The following RCAN1 variants were observed in gnomAD, a reference collection of about 807,000 sequenced individuals.
RCAN1 encodes the protein calcipressin-1.
RCAN1 carries 11 observed loss-of-function variants against 22.9 expected under a neutral mutation model. That is an observed-to-expected ratio of 0.48 (90% CI 0.30 to 0.79). RCAN1 has a LOEUF of 0.79. RCAN1 is among the 30% of genes least tolerant of loss of function. The pLI is 0.06. For synonymous variants in RCAN1, 136 were observed against 142.3 expected, an observed-to-expected ratio of 0.96 and a Z score of 0.32; for missense variants, 291 against 337.8, an observed-to-expected ratio of 0.86 and a Z score of 1.09.
At chr21:34,572,328 C>A (rs1217060799) in intron 1 of RCAN1, among the ~76,000 whole-genome samples, 1 of 152,168 alleles carries the variant, frequency 6.6e-6, no homozygotes, top group Non-Finnish European at 1.5e-5. Context: ...TCACAGAATA[C>A]TGGAGGCGCC....
chr21:34,521,343 C>T (rs1252639505), intron 3 of RCAN1, 156 bp downstream of exon 3: 10 of 1,511,192 alleles, frequency 6.6e-6, no homozygotes, highest in Non-Finnish European at 8.8e-6. Context: ...ATGCTCCCAG[C>T]ACAAGGGACG....
At chr21:34,581,929 T>G (rs2123698267) in intron 1 of RCAN1, among the ~76,000 whole-genome samples, 1 of 152,314 alleles carries the variant, frequency 6.6e-6, no homozygotes, top group African/African-American at 2.4e-5. Flanking sequence ...CTAAATTTGC[T>G]ATCAAAATGC....
chr21:34,564,323 G>T (rs966120409), intron 1 of RCAN1, among the ~76,000 whole-genome samples: 5 of 152,136 alleles, frequency 3.3e-5, no homozygotes, highest in Non-Finnish European at 7.4e-5. Context: ...GGGGATCACA[G>T]GGCAGGAAAT....
intron 1 of RCAN1, among the ~76,000 whole-genome samples, chr21:34,568,336 C>A (rs1051066490): frequency 1.3e-5 from 2 of 152,200 alleles, no homozygotes; most frequent in Non-Finnish European, 2.9e-5. Flanking sequence ...ACAAATCCAA[C>A]ACAGGACCTT....
intron 1 of RCAN1, among the ~76,000 whole-genome samples, chr21:34,546,990 C>A (rs1190343722): frequency 6.6e-6 from 1 of 152,136 alleles, no homozygotes; most frequent in African/African-American, 2.4e-5. Flanking sequence ...GTGAATAAAT[C>A]TCTCCCCAAA....
At chr21:34,519,335 T>C (rs1365835102) in intron 3 of RCAN1, among the ~76,000 whole-genome samples, 1 of 152,218 alleles carries the variant, frequency 6.6e-6, no homozygotes, top group Non-Finnish European at 1.5e-5. Context: ...TGGTCAGTTT[T>C]CTTCCAGGGC....
At chr21:34,609,729 T>C (rs1271308264) in intron 1 of RCAN1, among the ~76,000 whole-genome samples, 1 of 152,148 alleles carries the variant, frequency 6.6e-6, no homozygotes, top group East Asian at 1.9e-4. Context: ...CTTTAAGTAA[T>C]GAAGGTGACA....
At chr21:34,548,859 G>A (rs1601162621) in intron 1 of RCAN1, among the ~76,000 whole-genome samples, 1 of 152,300 alleles carries the variant, frequency 6.6e-6, no homozygotes, top group Non-Finnish European at 1.5e-5. Context: ...TGTAAACAAA[G>A]CAAAGGACTA....
intron 3 of RCAN1, chr21:34,520,957 G>C: frequency 2.0e-6 from 1 of 498,428 alleles, no homozygotes; most frequent in South Asian, 8.5e-5. Context: ...TCTTTAGCAA[G>C]CTCTGTAGGG....
intron 1 of RCAN1, among the ~76,000 whole-genome samples, chr21:34,565,568 A>G (rs1436052087): frequency 6.6e-6 from 1 of 152,230 alleles, no homozygotes; most frequent in Non-Finnish European, 1.5e-5. Context: ...TAACTGAGGA[A>G]GATGCTTCTT....
intron 1 of RCAN1, among the ~76,000 whole-genome samples, chr21:34,565,636 G>A (rs138366838): frequency 5.9e-4 from 90 of 152,304 alleles, no homozygotes; most frequent in African/African-American, 2.0e-3. Context: ...TTCAACAGAT[G>A]GGAAAACATG....
chr21:34,582,696 G>C (rs1253359253), intron 1 of RCAN1, among the ~76,000 whole-genome samples: 1 of 152,214 alleles, frequency 6.6e-6, no homozygotes, highest in African/African-American at 2.4e-5. Context: ...CTCAGAGCAA[G>C]AGAGTGGCCA....
At chr21:34,598,835 G>A (rs184543299) in intron 1 of RCAN1, among the ~76,000 whole-genome samples, 7 of 152,146 alleles carry the variant, frequency 4.6e-5, no homozygotes, top group Admixed American at 3.3e-4. Context: ...GAAAAGTAGC[G>A]CAAGATATAC....
chr21:34,552,404 G>A (rs1040558133), intron 1 of RCAN1, among the ~76,000 whole-genome samples: 2 of 152,172 alleles, frequency 1.3e-5, no homozygotes, highest in Non-Finnish European at 2.9e-5. Context: ...TTTTTACCAC[G>A]TGATTGCTAA....
Position 34,517,997 on chromosome 21 carries a change from C to T in RCAN1, c.*87G>A, listed in dbSNP as rs996628403. 4 of 1,530,490 alleles carry T rather than the reference C, an allele frequency of 2.6e-6. No homozygotes were observed. The highest frequency in any genetic ancestry group is 2.3e-4 in the Middle Eastern group (1 of 4,380). The allele number at this position is 1,530,490 out of a possible 1,614,324, so 94.8% of individuals were successfully genotyped here. A position where few individuals can be genotyped will look rare whatever the true frequency, so the allele number is the denominator to read the frequency against. On this transcript the variant is annotated 3_prime_UTR_variant, in exon 4 of 4. Coordinates refer to ENST00000313806, the MANE Select transcript of RCAN1 (RefSeq NM_004414.7). ...CTGCCACCCCGATCTCGGCTGCCAC[C>T]TCCGAAGAAGTCGTGACCAGCCACC...
At position 34,518,704 on chromosome 21, in the gene RCAN1, G is replaced by A. The variant is rs139402552; in HGVS notation, c.587-448C>T. Among the ~76,000 whole-genome samples the A allele has an allele frequency of 3.7e-4, 57 of 152,334 alleles. 3 individuals carry two copies. The East Asian group carries it at 0.011, about 28-fold the overall frequency. ...CTCCTATTTGAGGGTCGCAGTGCAC[G>A]CCCAGGAAGGGCGCCACAGGAGGCC... is the stretch of plus-strand genomic sequence containing the variant. On this transcript the variant is annotated intron_variant, in intron 3 of 3. Coordinates refer to ENST00000313806, the MANE Select transcript of RCAN1 (RefSeq NM_004414.7). The surrounding 1 kb of genome is among the most constrained non-coding windows in gnomAD (Gnocchi z 4.2).
chr21:34,545,029 A>C (rs1986077996), intron 1 of RCAN1, among the ~76,000 whole-genome samples: 1 of 152,206 alleles, frequency 6.6e-6, no homozygotes, highest in Admixed American at 6.5e-5. Context: ...CCTCACCATC[A>C]GTGGAGCGAG....
chr21:34,552,221 T>C (rs984444428), intron 1 of RCAN1, among the ~76,000 whole-genome samples: 1 of 152,166 alleles, frequency 6.6e-6, no homozygotes, highest in African/African-American at 2.4e-5. Flanking sequence ...TGGTATATAG[T>C]GTCCAAGAAC....
chr21:34,611,390 T>C (rs974998910), intron 1 of RCAN1, among the ~76,000 whole-genome samples: 2 of 152,244 alleles, frequency 1.3e-5, no homozygotes, highest in East Asian at 3.8e-4. Flanking sequence ...ATACAGTATT[T>C]ACAATATTGA....
Sources: allele counts gnomAD v4.1 joint callset (sites outside exome capture counted in the v4.1 genomes callset), GRCh38; gene constraint gnomAD v4.1.1; non-coding constraint Gnocchi (gnomAD v3.1); transcripts MANE v1.5; gene names NCBI Gene and HGNC (gene_info 2026-07-23, HGNC 2026-07-21).